MINK1: variants seen among roughly 807,000 people sequenced by gnomAD.
MINK1 encodes misshapen like kinase 1, also known as misshapen-like kinase 1.
In MINK1, 46 loss-of-function variants were observed where a neutral mutation model predicts 178.4. That is an observed-to-expected ratio of 0.26 (90% CI 0.20 to 0.33). MINK1 has a LOEUF of 0.33. Among genes scored for constraint, MINK1 ranks in the 10% least tolerant of loss-of-function variants. The pLI is 1.00. For missense variants in MINK1, 1,366 were observed against 1,814.9 expected (o/e 0.75, Z 4.49); for synonymous variants, 797 against 709.7 (o/e 1.12, Z -1.96).
At chr17:4,854,333 G>A (rs1287299057) in intron 1 of MINK1, among the ~76,000 whole-genome samples, 1 of 152,154 alleles carries the variant, frequency 6.6e-6, no homozygotes, top group East Asian at 1.9e-4. Flanking sequence ...AGACCTCCAG[G>A]CTGAGTCCAG....
At chr17:4,837,462 A>G (rs551039942) in intron 1 of MINK1, among the ~76,000 whole-genome samples, 1 of 152,360 alleles carries the variant, frequency 6.6e-6, no homozygotes, top group South Asian at 2.1e-4. Context: ...GGATGTTTTT[A>G]GAATCAGACC....
At chr17:4,890,159 G>C in intron 13 of MINK1, 1 of 747,794 alleles carries the variant, frequency 1.3e-6, no homozygotes, top group Non-Finnish European at 1.9e-6. Flanking sequence ...CGCTGCTGCT[G>C]CCCTCCTCTG....
In MINK1 at chr17:4,884,979, C is replaced by CA. The variant is rs780959317; in HGVS notation, c.486dup (p.Glu163ArgfsTer4). ...ATCAAGGGGCAGAATGTGCTGCTGA[C>CA]AGAGAATGCTGAGGTCAAGCTAGGT... On this transcript the variant is annotated frameshift_variant, in exon 6 of 32. Transcript: ENST00000355280. LOFTEE classifies it high-confidence loss of function. The CA allele has an allele frequency of 6.2e-7, 1 of 1,613,968 alleles. No individual in the cohort carries two copies. Among genetic ancestry groups the CA allele is most frequent in the Non-Finnish European group, 8.5e-7 (1 of 1,179,872 alleles).
intron 15 of MINK1, 91 bp downstream of exon 15, chr17:4,891,215 C>T (rs1319695138): frequency 4.1e-5 from 48 of 1,181,210 alleles, no homozygotes; most frequent in South Asian, 1.3e-4. Context: ...CACACACACA[C>T]ACACACACAC....
intron 21 of MINK1, 183 bp from the exon 22 acceptor site, chr17:4,893,805 C>G (rs1969128178): frequency 1.0e-5 from 9 of 892,898 alleles, no homozygotes; most frequent in Non-Finnish European, 1.3e-5. Flanking sequence ...GCCCCTGTGC[C>G]AGCCTGCCCT....
Position 4,886,687 on chromosome 17 carries a change from C to G in MINK1, c.949+61C>G. On this transcript the variant is annotated intron_variant, in intron 10 of 31. Coordinates refer to ENST00000355280, the MANE Select transcript of MINK1 (RefSeq NM_153827.5). The surrounding 1 kb of genome is among the most constrained non-coding windows in gnomAD (Gnocchi z 6.1). ...GACACTCCAGCCTGGCTCCTCTCTG[C>G]CAGCCCTGCTCGCTCCTGGCACCCC... 6.8e-7 allele frequency: 1 copy of G among 1,470,216 alleles called. No homozygotes were observed. The highest frequency in any genetic ancestry group is 9.0e-7 in the Non-Finnish European group (1 of 1,108,416). The allele number at this position is 1,470,216 out of a possible 1,614,324, so 91.1% of individuals were successfully genotyped here. A position where few individuals can be genotyped will look rare whatever the true frequency, so the allele number is the denominator to read the frequency against.
rs1031097928 is a variant in MINK1, at chr17:4,836,560, C to T, written c.57+2920C>T. Among the ~76,000 whole-genome samples the T allele has an allele frequency of 1.3e-5, 2 of 152,168 alleles. No individual in the cohort carries two copies. The highest frequency in any genetic ancestry group is 4.8e-5 in the African/African-American group (2 of 41,440). ...CCTTACTGCAGATTCTGCCAAGAGC[C>T]TTACCCTCTCTAAGCTTCATTCAGT... On this transcript the variant is annotated intron_variant, in intron 1 of 31. Coordinates refer to ENST00000355280, the MANE Select transcript of MINK1 (RefSeq NM_153827.5). The surrounding 1 kb of genome is among the most constrained non-coding windows in gnomAD (Gnocchi z 4.3).
chr17:4,858,026 C>T (rs1411230538), intron 1 of MINK1, among the ~76,000 whole-genome samples: 1 of 152,148 alleles, frequency 6.6e-6, no homozygotes. Flanking sequence ...CAGAATATCT[C>T]CTACAGATGG....
intron 2 of MINK1, among the ~76,000 whole-genome samples, chr17:4,880,761 G>A (rs1233993479): frequency 4.6e-5 from 7 of 151,918 alleles, no homozygotes; most frequent in Non-Finnish European, 8.8e-5. Flanking sequence ...TTAGCCGGGC[G>A]AGGTGGTGGA....
chr17:4,854,868 A>G, intron 1 of MINK1: 1 of 445,968 alleles, frequency 2.2e-6, no homozygotes, highest in South Asian at 1.6e-5. Flanking sequence ...TCTGTTTCAG[A>G]GAGTAAGAAG....
In MINK1 at chr17:4,885,603, A is replaced by G. The variant is rs766900893; in HGVS notation, c.629A>G (p.Tyr210Cys). The G allele has an allele frequency of 1.9e-6, 3 of 1,613,970 alleles. No homozygotes were observed. The highest frequency in any genetic ancestry group is 1.7e-5 in the Admixed American group (1 of 60,018). The change falls in exon 7 of 32, where the codon TAT becomes TGT. Residue 210 changes from tyrosine to cysteine, a missense_variant. Tyr to Cys is a radical substitution (Grantham distance 194). Around this residue, in one of 14 missense-constraint regions of MINK1, gnomAD observed 109 missense variants for 369.4 expected, o/e 0.30. Transcript: ENST00000355280. The surrounding 1 kb of genome is among the most constrained non-coding windows in gnomAD (Gnocchi z 5.0). The stretch of plus-strand genomic sequence containing the variant: ...TGTGATGAGAACCCTGATGCCACCT[A>G]TGATTACAGGGTATGGAGTGGAAAG... Reference protein sequence around the residue: ...IACDENPDATYDYRSDIWSLG... With the variant: ...IACDENPDATCDYRSDIWSLG...
chr17:4,853,371 G>A (rs533172861), intron 1 of MINK1, among the ~76,000 whole-genome samples: 1 of 89,026 alleles, frequency 1.1e-5, no homozygotes, highest in African/African-American at 4.6e-5. Flanking sequence ...GTTGGGGGGA[G>A]TGTGGTTGGT....
chr17:4,835,863 C>A (rs1909234644), intron 1 of MINK1, among the ~76,000 whole-genome samples: 1 of 152,150 alleles, frequency 6.6e-6, no homozygotes, highest in South Asian at 2.1e-4. Flanking sequence ...TCCAGCCTTA[C>A]TCTCCTCTCC....
rs1910776453 is a variant in MINK1, at chr17:4,844,837, TG to T, written c.57+11198del. Among the ~76,000 whole-genome samples the T allele has an allele frequency of 5.3e-5, 8 of 152,260 alleles. No homozygotes were observed. In the South Asian group the frequency reaches 1.7e-3, roughly 32 times the overall value. ...CCCCCACCCTTTAAAAATGTGTTGT[TG>T]TTGTTTTTTAATGTGATTAAGTATA... On this transcript the variant is annotated intron_variant, in intron 1 of 31. Transcript: ENST00000355280.
In MINK1 at chr17:4,896,708, T is replaced by A; in HGVS notation, c.3810T>A (p.Gly1270=). ...GCTCCAACCAGATAATGGGCTGGGG[T>A]GAGAAAGCCATTGAGATCCGCTCTG... The part of the protein sequence containing the change: ...YICSNQIMGW[G]EKAIEIRSVE... The change falls in exon 31 of 32, where the codon GGT becomes GGA. Residue 1270 remains glycine, a synonymous_variant. Coordinates refer to ENST00000355280, the MANE Select transcript of MINK1 (RefSeq NM_153827.5). This position sits in a 1 kb window ranked among gnomAD's most constrained non-coding sequence, Gnocchi z 4.6. The A allele has an allele frequency of 6.2e-7, 1 of 1,601,948 alleles. No homozygotes were observed. The highest frequency in any genetic ancestry group is 8.5e-7 in the Non-Finnish European group (1 of 1,172,938).
intron 13 of MINK1, chr17:4,889,973 A>C: frequency 7.7e-6 from 4 of 516,676 alleles, no homozygotes; most frequent in Admixed American, 4.0e-5. Context: ...CCATCTCTTT[A>C]CCCCATCCCT....
At chr17:4,851,826 C>G (rs1912008874) in intron 1 of MINK1, among the ~76,000 whole-genome samples, 1 of 151,782 alleles carries the variant, frequency 6.6e-6, no homozygotes, top group Admixed American at 6.6e-5. Context: ...CAAGGTAAAC[C>G]CTGTCTCTAC....
At position 4,891,021 on chromosome 17, in the gene MINK1, G is replaced by C; in HGVS notation, c.1637G>C (p.Gly546Ala). Reference protein sequence around the residue: ...PLAKSKPGSTGPEPPIPQASP... With the variant: ...PLAKSKPGSTAPEPPIPQASP... The stretch of plus-strand genomic sequence containing the variant: ...GCCAAGAGCAAGCCAGGCAGCACGG[G>C]GCCTGAGCCCCCCATCCCCCAGGCC... The change falls in exon 15 of 32, where the codon GGG becomes GCG. Residue 546 changes from glycine to alanine, a missense_variant. Gly to Ala is a moderately conservative substitution (Grantham distance 60, BLOSUM62 0). Around this residue, in one of 14 missense-constraint regions of MINK1, gnomAD observed 709 missense variants for 692.3 expected, o/e 1.02. Coordinates refer to ENST00000355280, the MANE Select transcript of MINK1 (RefSeq NM_153827.5). 1 of 1,559,248 alleles carries C rather than the reference G, an allele frequency of 6.4e-7. No homozygotes were observed. The highest frequency in any genetic ancestry group is 8.7e-7 in the Non-Finnish European group (1 of 1,151,726).
intron 1 of MINK1, among the ~76,000 whole-genome samples, chr17:4,868,554 C>T (rs183152488): frequency 1.3e-5 from 2 of 152,268 alleles, no homozygotes; most frequent in African/African-American, 4.8e-5. Flanking sequence ...ACATAATATC[C>T]TCTGGGCTCT....
Sources: gnomAD v4.1 joint callset for allele counts (sites outside exome capture counted in the v4.1 genomes callset) on GRCh38, gnomAD v4.1.1 for gene constraint, gnomAD v4.1.1 regional missense constraint, Gnocchi (gnomAD v3.1) non-coding constraint, MANE v1.5 for transcripts, NCBI Gene and HGNC (gene_info 2026-07-23, HGNC 2026-07-21) for gene names.